Variants in SMC5 observed in about 807,000 individuals in gnomAD.
The protein encoded by SMC5 is structural maintenance of chromosomes 5.
In SMC5, 88 loss-of-function variants were observed where a neutral mutation model predicts 148.3. The ratio of observed to expected loss-of-function variants is 0.59; its 90% confidence interval spans 0.50 to 0.71. The LOEUF (loss-of-function observed/expected upper bound fraction) is 0.71, where lower values mean the gene tolerates loss of function less well. Ranked by LOEUF, SMC5 falls within the 30% of genes least tolerant of loss-of-function variation. SMC5 has a pLI of 0.00. For synonymous variants in SMC5, 421 were observed against 432.8 expected, an observed-to-expected ratio of 0.97 and a Z score of 0.34; for missense variants, 1,142 against 1,298.9, an observed-to-expected ratio of 0.88 and a Z score of 1.86.
chr9:70,350,592 G>A (rs1239054464), intron 24 of SMC5, 121 bp downstream of exon 24: 3 of 582,462 alleles, frequency 5.2e-6, no homozygotes, highest in African/African-American at 1.9e-5. Flanking sequence ...GAATTTAAAA[G>A]GTTAACAGTA....
At chr9:70,268,603 G>T (rs2034357646) in intron 3 of SMC5, among the ~76,000 whole-genome samples, 2 of 151,482 alleles carry the variant, frequency 1.3e-5, no homozygotes, top group African/African-American at 2.4e-5. Flanking sequence ...AAAGTATCTG[G>T]GTTTTTTTTT....
At chr9:70,291,680 C>G (rs2035064063) in intron 8 of SMC5, among the ~76,000 whole-genome samples, 1 of 152,136 alleles carries the variant, frequency 6.6e-6, no homozygotes, top group Admixed American at 6.5e-5. Flanking sequence ...TTGTTTTTGA[C>G]AAATGCATCC....
chr9:70,318,657 G>A lies in SMC5; in HGVS notation c.1950G>A (p.Glu650=), dbSNP rs1239515391. The change falls in exon 14 of 25, where the codon GAG becomes GAA. Residue 650 remains glutamate (E), a synonymous_variant. Coordinates refer to ENST00000361138, the MANE Select transcript of SMC5 (RefSeq NM_015110.4). The part of the protein sequence containing the change: ...AQFLTVTVDL[E]QRRHLEEQLK... The stretch of plus-strand genomic sequence containing the variant: ...TTCTCACTGTCACTGTGGACCTAGA[G>A]CAGAGAAGACACTTAGAAGAACAGC... 4 of 1,607,642 alleles carry A rather than the reference G, an allele frequency of 2.5e-6. No homozygotes were observed. In the South Asian group the frequency reaches 4.5e-5, roughly 18 times the overall value.
chr9:70,340,733 G>A (rs2036498859), intron 17 of SMC5, among the ~76,000 whole-genome samples: 1 of 151,988 alleles, frequency 6.6e-6, no homozygotes, highest in Non-Finnish European at 1.5e-5. Flanking sequence ...AATATATACA[G>A]TTTTCATAAG....
intron 2 of SMC5, among the ~76,000 whole-genome samples, chr9:70,267,081 T>C: frequency 6.6e-6 from 1 of 151,726 alleles, no homozygotes; most frequent in East Asian, 1.9e-4. Flanking sequence ...CTTTATTGTC[T>C]ATAAAATGAA....
intron 17 of SMC5, among the ~76,000 whole-genome samples, chr9:70,329,058 C>G (rs371272810): frequency 1.3e-5 from 2 of 152,306 alleles, no homozygotes; most frequent in African/African-American, 4.8e-5. Context: ...CTGCACAGAG[C>G]GGCAGGGCCC....
intron 8 of SMC5, among the ~76,000 whole-genome samples, chr9:70,296,618 T>A (rs1486105666): frequency 6.6e-6 from 1 of 152,078 alleles, no homozygotes; most frequent in Non-Finnish European, 1.5e-5. Flanking sequence ...TTGTTATAAG[T>A]CTCTATTTTC....
Position 70,300,183 on chromosome 9 carries a change from G to T in SMC5, c.1447G>T (p.Glu483Ter). 6.3e-7 allele frequency: 1 copy of T among 1,594,924 alleles called. No homozygotes were observed. Among genetic ancestry groups the T allele is most frequent in the South Asian group, 1.2e-5 (1 of 86,864 alleles). ...NRDKFKQRVC[E>*]PIMLTINMKD... Reference sequence around the variant, plus strand: ...AGACAAATTTAAACAAAGAGTCTGTGAGCCCATAATGCTCACGGTAAGAAA... The same window carrying T: ...AGACAAATTTAAACAAAGAGTCTGTTAGCCCATAATGCTCACGGTAAGAAA... Residue 483 changes from glutamate (E) to a stop codon, truncating the protein, a stop_gained, in exon 10 of 25, where the codon GAG (glutamate) becomes TAG (stop). Transcript: ENST00000361138. LOFTEE classifies it high-confidence loss of function.
chr9:70,302,502 A>AAAATAT (rs1554693938), intron 10 of SMC5, among the ~76,000 whole-genome samples: 2 of 149,452 alleles, frequency 1.3e-5, no homozygotes, highest in South Asian at 4.2e-4. Context: ...AAGAAAAAAA[A>AAAATAT]ATATATATAT....
At chr9:70,292,596 C>T (rs908577672) in intron 8 of SMC5, among the ~76,000 whole-genome samples, 5 of 152,082 alleles carry the variant, frequency 3.3e-5, no homozygotes, top group African/African-American at 1.2e-4. Flanking sequence ...AGGAGGAAAG[C>T]ATTCAGTTTT....
intron 8 of SMC5, among the ~76,000 whole-genome samples, chr9:70,287,541 G>A (rs748834089): frequency 6.6e-6 from 1 of 152,112 alleles, no homozygotes; most frequent in Non-Finnish European, 1.5e-5. Context: ...ACCTGCCTTG[G>A]GGGTAGACAT....
At chr9:70,306,446 T>A (rs577027808) in intron 11 of SMC5, among the ~76,000 whole-genome samples, 2 of 152,286 alleles carry the variant, frequency 1.3e-5, no homozygotes, top group South Asian at 4.1e-4. Context: ...GTTGGATGTA[T>A]AAAATTATAC....
chr9:70,306,628 T>C (rs1018993602), intron 11 of SMC5, among the ~76,000 whole-genome samples: 1 of 152,234 alleles, frequency 6.6e-6, no homozygotes, highest in African/African-American at 2.4e-5. Context: ...TTAAATGATT[T>C]CTATTTTTCA....
intron 8 of SMC5, among the ~76,000 whole-genome samples, chr9:70,289,421 G>C (rs2034998343): frequency 6.6e-6 from 1 of 151,972 alleles, no homozygotes; most frequent in African/African-American, 2.4e-5. Context: ...ATCAGTTTTT[G>C]CTTCCTAGAT....
In SMC5 at chr9:70,267,876, C is replaced by T. The variant is rs151179207; in HGVS notation, c.328-47C>T. On this transcript the variant is annotated intron_variant, in intron 2 of 24. Coordinates refer to ENST00000361138, the MANE Select transcript of SMC5 (RefSeq NM_015110.4). ...TGACTGCTAAATCTCTGATTGTTAA[C>T]CTGGGAATGTCACTACACAGCTCAC... is the stretch of plus-strand genomic sequence containing the variant. The T allele has an allele frequency of 8.1e-4, 1,206 of 1,491,016 alleles. 11 individuals are homozygous for T. In the African/African-American group the frequency reaches 0.014, roughly 18 times the overall value. The allele number at this position is 1,491,016 out of a possible 1,614,324, so 92.4% of individuals were successfully genotyped here.
At position 70,265,262 on chromosome 9, in the gene SMC5, C is replaced by G. The variant is rs1480550925; in HGVS notation, c.327+817C>G. On this transcript the variant is annotated intron_variant, in intron 2 of 24. Coordinates refer to ENST00000361138, the MANE Select transcript of SMC5 (RefSeq NM_015110.4). ...GAGGCCATGATCAGGAGTTCCAGAC[C>G]AGCCTGGTCAACATGGTGAAACCCC... Among the ~76,000 whole-genome samples, 3 of 152,184 alleles carry G rather than the reference C, an allele frequency of 2.0e-5. No homozygotes were observed. The East Asian group carries it at 5.8e-4, about 29-fold the overall frequency.
At chr9:70,272,831 G>A (rs1026908925) in intron 3 of SMC5, among the ~76,000 whole-genome samples, 1 of 152,192 alleles carries the variant, frequency 6.6e-6, no homozygotes, top group South Asian at 2.1e-4. Flanking sequence ...TTGGAAACCA[G>A]CACTTGGAAC....
At chr9:70,328,846 G>A (rs2036151614) in intron 17 of SMC5, among the ~76,000 whole-genome samples, 2 of 152,182 alleles carry the variant, frequency 1.3e-5, no homozygotes, top group South Asian at 2.1e-4. Flanking sequence ...GGACATCCAG[G>A]CATTTCCATA....
intron 8 of SMC5, among the ~76,000 whole-genome samples, chr9:70,291,640 G>A (rs2035063367): frequency 6.6e-6 from 1 of 152,104 alleles, no homozygotes; most frequent in Admixed American, 6.6e-5. Flanking sequence ...TCTGCTTCAG[G>A]CAGTTGTGAT....
Sources: allele counts gnomAD v4.1 joint callset (sites outside exome capture counted in the v4.1 genomes callset), GRCh38; gene constraint gnomAD v4.1.1; transcripts MANE v1.5; gene names NCBI Gene and HGNC (gene_info 2026-07-23, HGNC 2026-07-21).